Variants in SHISA6 observed in about 807,000 individuals in gnomAD.
SHISA6 encodes shisa family member 6.
In SHISA6, 22 loss-of-function variants were observed where a neutral mutation model predicts 47.9. The observed-to-expected ratio is 0.46, with a 90% CI of 0.33 to 0.66. The LOEUF (loss-of-function observed/expected upper bound fraction) is 0.66. Ranked by LOEUF, SHISA6 falls within the 30% of genes least tolerant of loss-of-function variation. The probability of loss-of-function intolerance (pLI) is 0.02; values close to 1 mark genes in which losing one functional copy is unlikely to be tolerated. For synonymous variants in SHISA6, 388 were observed against 337.8 expected, an observed-to-expected ratio of 1.15 and a Z score of -1.63; for missense variants, 680 against 764.6, an observed-to-expected ratio of 0.89 and a Z score of 1.30.
intron 3 of SHISA6, among the ~76,000 whole-genome samples, chr17:11,465,557 G>T (rs1915789612): frequency 6.6e-6 from 1 of 152,086 alleles, no homozygotes; most frequent in African/African-American, 2.4e-5. Flanking sequence ...GCTTAGACCT[G>T]GAAGGCTATT....
Position 11,461,271 on chromosome 17 carries a change from C to T in SHISA6, c.895+81762C>T, listed in dbSNP as rs547878413. On this transcript the variant is annotated intron_variant, in intron 3 of 5. Coordinates refer to ENST00000441885, the MANE Select transcript of SHISA6 (RefSeq NM_207386.4). ...AATTAGCTGGGCATGGTGGCGGGCA[C>T]CTGTAGTCCCAGCTACTCAGGAGGC... Among the ~76,000 whole-genome samples, 199 of 152,032 alleles carry T rather than the reference C, an allele frequency of 1.3e-3. 1 individual carries two copies. The highest frequency in any genetic ancestry group is 3.9e-3 in the African/African-American group (161 of 41,468).
chr17:11,509,034 AAT>A (rs2071522477), intron 3 of SHISA6, among the ~76,000 whole-genome samples: 2 of 152,160 alleles, frequency 1.3e-5, no homozygotes, highest in Non-Finnish European at 2.9e-5. Flanking sequence ...CTGATTATAA[AAT>A]CCTCCCTGGA....
At chr17:11,486,611 T>C (rs554864136) in intron 3 of SHISA6, among the ~76,000 whole-genome samples, 1 of 152,322 alleles carries the variant, frequency 6.6e-6, no homozygotes, top group East Asian at 1.9e-4. Flanking sequence ...GTGCATGTTA[T>C]CCTTAAGTGC....
At chr17:11,459,966 G>A (rs1457261047) in intron 3 of SHISA6, among the ~76,000 whole-genome samples, 6 of 152,204 alleles carry the variant, frequency 3.9e-5, no homozygotes, top group Admixed American at 2.6e-4. Flanking sequence ...AAGAGGGACC[G>A]TCGACAGCCT....
At chr17:11,464,941 A>T (rs1302711165) in intron 3 of SHISA6, among the ~76,000 whole-genome samples, 2 of 67,218 alleles carry the variant, frequency 3.0e-5, no homozygotes, top group African/African-American at 5.9e-5. Context: ...AAACTGATTA[A>T]AAAAAAAAAA....
At chr17:11,389,485 A>G (rs1913316471) in intron 3 of SHISA6, among the ~76,000 whole-genome samples, 1 of 152,218 alleles carries the variant, frequency 6.6e-6, no homozygotes, top group African/African-American at 2.4e-5. Flanking sequence ...AATGTGTCCC[A>G]TATTCCTCAG....
intron 3 of SHISA6, among the ~76,000 whole-genome samples, chr17:11,435,843 A>G (rs1295927243): frequency 6.6e-6 from 1 of 152,054 alleles, no homozygotes; most frequent in East Asian, 1.9e-4. Flanking sequence ...ACCTCCCAAA[A>G]CTTCATAAAG....
chr17:11,294,628 A>G (rs1909679840), intron 2 of SHISA6, among the ~76,000 whole-genome samples: 1 of 152,186 alleles, frequency 6.6e-6, no homozygotes, highest in African/African-American at 2.4e-5. Context: ...ATAACAGATG[A>G]AACTAAGAAA....
Position 11,241,617 on chromosome 17 carries a change from C to T in SHISA6, c.195C>T (p.Pro65=). The T allele has an allele frequency of 1.5e-6, 2 of 1,320,992 alleles. No individual in the cohort carries two copies. The highest frequency in any genetic ancestry group is 9.6e-7 in the Non-Finnish European group (1 of 1,045,350). The allele number at this position is 1,320,992 out of a possible 1,614,324, so 81.8% of individuals were successfully genotyped here. A position where few individuals can be genotyped will look rare whatever the true frequency, so the allele number is the denominator to read the frequency against. ...GRELNGTARA[P]GIPEAGSRRG... Reference sequence around the variant, plus strand: ...AGCTGAACGGCACCGCCCGGGCGCCCGGAATCCCGGAGGCGGGAAGCCGGC... The same window carrying T: ...AGCTGAACGGCACCGCCCGGGCGCCTGGAATCCCGGAGGCGGGAAGCCGGC... The change falls in exon 1 of 6, where the codon CCC becomes CCT. Residue 65 remains proline, a synonymous_variant. Coordinates refer to ENST00000441885, the MANE Select transcript of SHISA6 (RefSeq NM_207386.4). The surrounding 1 kb of genome is among the most constrained non-coding windows in gnomAD (Gnocchi z 5.5).
intron 3 of SHISA6, among the ~76,000 whole-genome samples, chr17:11,439,999 T>A (rs929428758): frequency 6.6e-6 from 1 of 152,232 alleles, no homozygotes; most frequent in African/African-American, 2.4e-5. Context: ...TGGGGAATAG[T>A]AGGGTGCACC....
chr17:11,375,988 C>A (rs1373622032), intron 2 of SHISA6, among the ~76,000 whole-genome samples: 1 of 152,158 alleles, frequency 6.6e-6, no homozygotes, highest in Non-Finnish European at 1.5e-5. Context: ...TCTGTCCGTC[C>A]TGTGACATGG....
chr17:11,241,582 G>T lies in SHISA6; in HGVS notation c.160G>T (p.Gly54Cys). The T allele has an allele frequency of 8.8e-7, 1 of 1,142,838 alleles. No homozygotes were observed. The highest frequency in any genetic ancestry group is 1.1e-6 in the Non-Finnish European group (1 of 933,836). The allele number at this position is 1,142,838 out of a possible 1,614,324, so 70.8% of individuals were successfully genotyped here. A position where few individuals can be genotyped will look rare whatever the true frequency, so the allele number is the denominator to read the frequency against. The change falls in exon 1 of 6, where the codon GGC becomes TGC. Residue 54 changes from glycine to cysteine, a missense_variant. Around this residue, in one of 2 missense-constraint regions of SHISA6, gnomAD observed 121 missense variants for 90.5 expected, o/e 1.34. Coordinates refer to ENST00000441885, the MANE Select transcript of SHISA6 (RefSeq NM_207386.4). This position sits in a 1 kb window ranked among gnomAD's most constrained non-coding sequence, Gnocchi z 5.5. Reference protein sequence around the residue: ...GRRAGGALARGGRELNGTARA... With the variant: ...GRRAGGALARCGRELNGTARA... ...GAGGGCCGGGGGCGCCCTGGCACGG[G>T]GCGGCCGCGAGCTGAACGGCACCGC...
At chr17:11,537,388 G>A (rs1285915185) in intron 3 of SHISA6, among the ~76,000 whole-genome samples, 1 of 152,124 alleles carries the variant, frequency 6.6e-6, no homozygotes, top group African/African-American at 2.4e-5. Flanking sequence ...GACACCAAGA[G>A]TCAAAGGCCT....
At chr17:11,395,690 G>A (rs205071) in intron 3 of SHISA6, among the ~76,000 whole-genome samples, 59,823 of 151,290 alleles carry the variant, frequency 0.4, 12,713 homozygotes, top group East Asian at 0.64. Context: ...GCTAATTTTT[G>A]TATTTATAGT....
At chr17:11,341,447 G>A (rs981293675) in intron 2 of SHISA6, among the ~76,000 whole-genome samples, 5 of 144,104 alleles carry the variant, frequency 3.5e-5, no homozygotes, top group African/African-American at 1.3e-4. Context: ...TGATTCTCTT[G>A]CCTCAGCCTC....
At chr17:11,517,753 C>T (rs1318164137) in intron 3 of SHISA6, among the ~76,000 whole-genome samples, 1 of 152,130 alleles carries the variant, frequency 6.6e-6, no homozygotes, top group Non-Finnish European at 1.5e-5. Flanking sequence ...GTCCTCCCAC[C>T]TCAGCCTCCC....
At chr17:11,367,402 T>C (rs188162369) in intron 2 of SHISA6, among the ~76,000 whole-genome samples, 3 of 152,292 alleles carry the variant, frequency 2.0e-5, no homozygotes, top group East Asian at 1.9e-4. Context: ...ACAGAGTTCC[T>C]TTCCGATGAG....
chr17:11,259,587 C>A (rs1908148681), intron 1 of SHISA6, among the ~76,000 whole-genome samples: 1 of 152,218 alleles, frequency 6.6e-6, no homozygotes, highest in Non-Finnish European at 1.5e-5. Context: ...AAAATGTTGA[C>A]TGGGCTTGGT....
At chr17:11,393,610 T>TTA (rs753258390) in intron 3 of SHISA6, among the ~76,000 whole-genome samples, 83 of 152,002 alleles carry the variant, frequency 5.5e-4, no homozygotes, top group African/African-American at 1.3e-3. Flanking sequence ...AGCCAGAATC[T>TTA]TATATATATA....
Sources: allele counts gnomAD v4.1 joint callset (sites outside exome capture counted in the v4.1 genomes callset), GRCh38; gene constraint gnomAD v4.1.1; regional missense constraint gnomAD v4.1.1; non-coding constraint Gnocchi (gnomAD v3.1); transcripts MANE v1.5; gene names NCBI Gene and HGNC (gene_info 2026-07-23, HGNC 2026-07-21).